Variants in VAC14 observed in about 807,000 individuals in gnomAD.
VAC14 encodes the protein protein VAC14 homolog.
In VAC14, 47 loss-of-function variants were observed where a neutral mutation model predicts 85.3. The observed-to-expected ratio is 0.55, with a 90% confidence interval of 0.44 to 0.70. The LOEUF (loss-of-function observed/expected upper bound fraction) is 0.70. VAC14 is among the 30% of genes least tolerant of loss of function. The pLI is 0.00. For missense variants in VAC14, 861 were observed against 1,004.3 expected (o/e 0.86, Z 1.93); for synonymous variants, 447 against 430.5 (o/e 1.04, Z -0.47).
At chr16:70,731,206 T>C (rs1451522013) in intron 14 of VAC14, 1 of 956,422 alleles carries the variant, frequency 1.0e-6, no homozygotes, top group Non-Finnish European at 1.3e-6. Flanking sequence ...AGCCTGACAA[T>C]GGCATTGAAT....
At chr16:70,779,863 C>A (rs1323046296) in intron 9 of VAC14, among the ~76,000 whole-genome samples, 1 of 151,670 alleles carries the variant, frequency 6.6e-6, no homozygotes, top group African/African-American at 2.4e-5. Flanking sequence ...GAGATAGGGT[C>A]TTTCTCTGTT....
chr16:70,701,564 C>T (rs990661860), intron 14 of VAC14, among the ~76,000 whole-genome samples: 2 of 152,130 alleles, frequency 1.3e-5, no homozygotes, highest in South Asian at 4.1e-4. Context: ...GGGCTGTCAG[C>T]ATCTCCTGCC....
intron 14 of VAC14, among the ~76,000 whole-genome samples, chr16:70,709,023 G>A (rs1187559196): frequency 6.6e-6 from 1 of 152,200 alleles, no homozygotes; most frequent in Non-Finnish European, 1.5e-5. Flanking sequence ...TTGGGTCCCT[G>A]CTGGGCTCCT....
chr16:70,755,615 C>T (rs1213280582), intron 12 of VAC14, among the ~76,000 whole-genome samples: 1 of 152,240 alleles, frequency 6.6e-6, no homozygotes, highest in Non-Finnish European at 1.5e-5. Context: ...ATGCAATGCA[C>T]TCAGAATGGG....
chr16:70,711,605 A>G (rs1368182465), intron 14 of VAC14, among the ~76,000 whole-genome samples: 1 of 152,014 alleles, frequency 6.6e-6, no homozygotes, highest in African/African-American at 2.4e-5. Flanking sequence ...TGGCCTCCTG[A>G]CAGCCATGTG....
intron 14 of VAC14, among the ~76,000 whole-genome samples, chr16:70,723,448 G>A (rs959073692): frequency 7.2e-5 from 11 of 152,118 alleles, no homozygotes; most frequent in African/African-American, 2.7e-4. Flanking sequence ...CTGGGTGACT[G>A]AGTGAGACCC....
rs535706568 is a variant in VAC14 at position 70,780,956 on chromosome 16, A to C, written c.947-17T>G. ...CTTTGATGCCTGAGTCCACTGATGTAAGGAGCGTGATCTGATTTGGATGCC... is the reference window on the plus strand; with the variant it reads ...CTTTGATGCCTGAGTCCACTGATGTCAGGAGCGTGATCTGATTTGGATGCC... On this transcript the variant is annotated splice_polypyrimidine_tract_variant and intron_variant, in intron 8 of 18. Coordinates refer to ENST00000261776, the MANE Select transcript of VAC14 (RefSeq NM_018052.5). 8.7e-6 allele frequency: 14 copies of C among 1,613,682 alleles called. No individual in the cohort carries two copies. Among genetic ancestry groups the C allele is most frequent in the Non-Finnish European group, 1.2e-5 (14 of 1,179,918 alleles).
chr16:70,801,107 T>C lies in VAC14; in HGVS notation c.-207A>G. 2.3e-6 allele frequency: 1 copy of C among 434,548 alleles called. No homozygotes were observed. The allele number at this position is 434,548 out of a possible 1,614,324, so 26.9% of individuals were successfully genotyped here. Reference sequence around the variant, plus strand: ...CACCTGACCCTGGCCGCTTAACAACTCCCGCCCGGCACTAGCGGGACTCAC... The same window carrying C: ...CACCTGACCCTGGCCGCTTAACAACCCCCGCCCGGCACTAGCGGGACTCAC... On this transcript the variant is annotated 5_prime_UTR_variant, in exon 1 of 19. Transcript: ENST00000261776.
At chr16:70,755,511 G>GGCT (rs151056825) in intron 12 of VAC14, among the ~76,000 whole-genome samples, 2,880 of 152,306 alleles carry the variant, frequency 0.019, 89 homozygotes, top group African/African-American at 0.064. Flanking sequence ...TGTCAATTCT[G>GGCT]GCTGACAGTG....
intron 14 of VAC14, among the ~76,000 whole-genome samples, chr16:70,722,422 T>A (rs1314152392): frequency 6.6e-6 from 1 of 152,222 alleles, no homozygotes; most frequent in Non-Finnish European, 1.5e-5. Context: ...GGGCGGCCTT[T>A]CACAAACCGC....
At chr16:70,690,266 T>TG (rs2053573441) in intron 18 of VAC14, 1 of 984,936 alleles carries the variant, frequency 1.0e-6, no homozygotes, top group Non-Finnish European at 1.2e-6. Context: ...TCACCGGGGG[T>TG]GGGTGACACT....
chr16:70,759,998 CG>C (rs2032192115), intron 12 of VAC14, among the ~76,000 whole-genome samples: 1 of 152,176 alleles, frequency 6.6e-6, no homozygotes, highest in African/African-American at 2.4e-5. Context: ...CGCAGAGAAC[CG>C]TCGTGAGGGT....
intron 14 of VAC14, among the ~76,000 whole-genome samples, chr16:70,708,407 G>A (rs1307037697): frequency 6.6e-6 from 1 of 152,188 alleles, no homozygotes; most frequent in South Asian, 2.1e-4. Flanking sequence ...CCGTGGGGCT[G>A]GGCATGCACA....
chr16:70,711,057 T>C (rs557571851), intron 14 of VAC14, among the ~76,000 whole-genome samples: 6 of 152,344 alleles, frequency 3.9e-5, no homozygotes, highest in African/African-American at 1.4e-4. Flanking sequence ...CGCCAGCCCC[T>C]GTCCCATCAG....
At position 70,692,822 on chromosome 16, in the gene VAC14, CG is replaced by C. The variant is rs1567518674; in HGVS notation, c.2184del (p.Glu729LysfsTer4). The C allele has an allele frequency of 6.3e-7, 1 of 1,597,522 alleles. No homozygotes were observed. Among genetic ancestry groups the C allele is most frequent in the East Asian group, 2.3e-5 (1 of 44,330 alleles). On this transcript the variant is annotated frameshift_variant and splice_region_variant, in exon 18 of 19. Transcript: ENST00000261776. LOFTEE classifies it high-confidence loss of function. Reference protein sequence around the residue: ...QCVPNPELLQTEDSLKAAPKS... With the variant: ...QCVPNPELLQXEDSLKAAPKS... Reference sequence around the variant, plus strand: ...CAGCAGTCCCCAGCCGGCACTCACTCGGTCTGCAGCAGCTCAGGGTTGGGCA... The same window carrying C: ...CAGCAGTCCCCAGCCGGCACTCACTCGTCTGCAGCAGCTCAGGGTTGGGCA...
In VAC14 at chr16:70,692,918, G is replaced by C; in HGVS notation, c.2089C>G (p.Leu697Val). 6.2e-7 allele frequency: 1 copy of C among 1,610,892 alleles called. No homozygotes were observed. The highest frequency in any genetic ancestry group is 2.2e-5 in the East Asian group (1 of 44,834). Residue 697 changes from leucine (L) to valine (V), a missense_variant, in exon 18 of 19, where the codon CTC (leucine) becomes GTC (valine). Coordinates refer to ENST00000261776, the MANE Select transcript of VAC14 (RefSeq NM_018052.5). ...GGCAGGAGCATGAGCAGGCCGTAGA[G>C]GGCCTTGATCAGGTAGGGGTTGTTC... is the stretch of plus-strand genomic sequence containing the variant. ...VKNNPYLIKA[L>V]YGLLMLLPQS...
At chr16:70,691,813 G>T (rs776065889) in intron 18 of VAC14, 1 of 985,316 alleles carries the variant, frequency 1.0e-6, no homozygotes, top group East Asian at 1.1e-4. Flanking sequence ...GGGGCAGTGG[G>T]AGCCGATGCC....
At chr16:70,774,155 C>T (rs915430486) in intron 9 of VAC14, among the ~76,000 whole-genome samples, 15 of 152,290 alleles carry the variant, frequency 9.8e-5, no homozygotes, top group Admixed American at 2.6e-4. Flanking sequence ...TTGAACATCA[C>T]GAGTTTTTCC....
At chr16:70,689,420 A>G (rs909827343) in intron 18 of VAC14, 4 of 985,248 alleles carry the variant, frequency 4.1e-6, no homozygotes, top group East Asian at 1.1e-4. Context: ...ACTCTTGGCC[A>G]TGAGTTCAGT....
Sources: allele counts gnomAD v4.1 joint callset (sites outside exome capture counted in the v4.1 genomes callset), GRCh38; gene constraint gnomAD v4.1.1; transcripts MANE v1.5; gene names NCBI Gene and HGNC (gene_info 2026-07-23, HGNC 2026-07-21).